Variants in ATP8A1 observed in about 807,000 individuals in gnomAD.
ATP8A1 encodes ATPase phospholipid transporting 8A1.
Under a neutral mutation model 177.7 loss-of-function variants are expected in ATP8A1, and 90 were observed. The observed-to-expected ratio is 0.51, with a 90% CI of 0.43 to 0.60. The LOEUF (loss-of-function observed/expected upper bound fraction) is 0.60. Ranked by LOEUF, ATP8A1 falls within the 20% of genes least tolerant of loss-of-function variation. The pLI is 0.00. For synonymous variants in ATP8A1, 493 were observed against 485.9 expected (o/e 1.01, Z -0.19); for missense variants, 1,072 against 1,392.8 (o/e 0.77, Z 3.67).
chr4:42,642,448 G>A (rs545824892), intron 1 of ATP8A1, among the ~76,000 whole-genome samples: 1 of 152,222 alleles, frequency 6.6e-6, no homozygotes, highest in East Asian at 1.9e-4. Context: ...AGGAATGGTC[G>A]GCATCCTTCA....
intron 33 of ATP8A1, among the ~76,000 whole-genome samples, chr4:42,429,533 T>C (rs7665008): frequency 0.56 from 85,569 of 151,964 alleles, 24,338 homozygotes; most frequent in Middle Eastern, 0.69. Flanking sequence ...AATATAAAAT[T>C]CCAGTCTTCC....
rs147739635 is a variant in ATP8A1, at chr4:42,455,717, C to T, written c.2620-118G>A. 1.9e-4 allele frequency: 164 copies of T among 856,376 alleles called. 1 individual carries two copies. The African/African-American group carries it at 2.6e-3, about 14-fold the overall frequency. The allele number at this position is 856,376 out of a possible 1,614,324, so 53.0% of individuals were successfully genotyped here. ...CAGCATTAACATATTATACTCATGA[C>T]TCTTTTGAAAATGACATTTCTTTGG... On this transcript the variant is annotated intron_variant, in intron 27 of 36. Coordinates refer to ENST00000381668, the MANE Select transcript of ATP8A1 (RefSeq NM_006095.2).
intron 27 of ATP8A1, among the ~76,000 whole-genome samples, chr4:42,460,405 T>G (rs1409341856): frequency 1.0e-5 from 1 of 99,106 alleles, no homozygotes; most frequent in Non-Finnish European, 2.1e-5. Flanking sequence ...TTTTTTTTTC[T>G]GAGATGGAGT....
At chr4:42,515,382 G>A (rs1003741047) in intron 22 of ATP8A1, among the ~76,000 whole-genome samples, 1 of 152,186 alleles carries the variant, frequency 6.6e-6, no homozygotes, top group African/African-American at 2.4e-5. Flanking sequence ...TGTGAACTTG[G>A]CAGTCATGAA....
intron 30 of ATP8A1, among the ~76,000 whole-genome samples, chr4:42,451,326 C>T (rs1239338801): frequency 1.3e-5 from 2 of 152,166 alleles, no homozygotes; most frequent in Non-Finnish European, 2.9e-5. Flanking sequence ...GAAGCAGGCA[C>T]GCTGAATGGT....
At chr4:42,507,226 GTA>G (rs1724462854) in intron 22 of ATP8A1, 72 bp from the exon 23 acceptor site, 1 of 1,459,660 alleles carries the variant, frequency 6.9e-7, no homozygotes, top group Non-Finnish European at 9.4e-7. Flanking sequence ...ATTGAAGTGT[GTA>G]TATGTTTTAA....
rs139070966 is a variant in ATP8A1, at chr4:42,636,897, T to C, written c.50-9788A>G. 6.6e-4 allele frequency among the ~76,000 whole-genome samples: 100 copies of C among 152,298 alleles called. 1 individual carries two copies. Among genetic ancestry groups the C allele is most frequent in the Admixed American group, 5.6e-3 (86 of 15,290 alleles). On this transcript the variant is annotated intron_variant, in intron 1 of 36. Transcript: ENST00000381668. ...CTGAACACAGACAGGAATGAATCTG[T>C]GGTATTAGTCAAGCTGCCTTAGATC...
At chr4:42,586,552 C>A in intron 8 of ATP8A1, 76 bp from the exon 9 acceptor site, 1 of 1,389,040 alleles carries the variant, frequency 7.2e-7, no homozygotes, top group South Asian at 1.3e-5. Context: ...ATTTTGAATT[C>A]ATCCAAGTCT....
intron 5 of ATP8A1, among the ~76,000 whole-genome samples, chr4:42,608,176 TGGAG>T (rs1028321519): frequency 2.0e-5 from 3 of 152,130 alleles, no homozygotes; most frequent in African/African-American, 7.2e-5. Context: ...TCAAAGGCCC[TGGAG>T]GAAGTGGCCA....
intron 6 of ATP8A1, among the ~76,000 whole-genome samples, chr4:42,592,021 A>G (rs991393302): frequency 1.3e-5 from 2 of 152,148 alleles, no homozygotes; most frequent in Non-Finnish European, 2.9e-5. Context: ...AAATGATTAA[A>G]CAACTACTAC....
rs1712749489 is a variant in ATP8A1, at chr4:42,412,681, C to T, written c.*235G>A. ...CAAGATACCAGGTCATTTTCAATTT[C>T]CGTTTACAAAGACTTAGCAAATACC... On this transcript the variant is annotated 3_prime_UTR_variant, in exon 37 of 37. Transcript: ENST00000381668. 2.6e-6 allele frequency: 1 copy of T among 380,828 alleles called. No homozygotes were observed. The highest frequency in any genetic ancestry group is 4.7e-6 in the Non-Finnish European group (1 of 212,120). The allele number at this position is 380,828 out of a possible 1,614,324, so 23.6% of individuals were successfully genotyped here.
intron 4 of ATP8A1, 149 bp downstream of exon 4, chr4:42,624,387 G>T: frequency 2.3e-6 from 1 of 427,114 alleles, no homozygotes; most frequent in Non-Finnish European, 4.2e-6. Context: ...ATCAACTTCA[G>T]GGATAGGAAC....
chr4:42,572,177 G>A (rs1046735362), intron 14 of ATP8A1, among the ~76,000 whole-genome samples: 5 of 152,154 alleles, frequency 3.3e-5, no homozygotes, highest in Admixed American at 1.3e-4. Context: ...CTCCCTAGGG[G>A]CATAAACACC....
intron 1 of ATP8A1, among the ~76,000 whole-genome samples, chr4:42,650,029 T>C (rs564203441): frequency 4.6e-5 from 7 of 152,310 alleles, no homozygotes; most frequent in Admixed American, 2.0e-4. Flanking sequence ...GGCCTTCATG[T>C]CATTGACATT....
intron 16 of ATP8A1, among the ~76,000 whole-genome samples, chr4:42,555,122 T>TAACTA (rs552100295): frequency 5.3e-5 from 5 of 93,686 alleles, no homozygotes; most frequent in Admixed American, 1.1e-4. Flanking sequence ...TCTATCTATC[T>TAACTA]ATCTATCTAT....
At position 42,514,780 on chromosome 4, in the gene ATP8A1, T is replaced by C. The variant is rs544584060; in HGVS notation, c.1947+7380A>G. 3.3e-4 allele frequency among the ~76,000 whole-genome samples: 51 copies of C among 152,306 alleles called. 1 individual carries two copies. The South Asian group carries it at 0.011, about 32-fold the overall frequency. ...TTTGCATCCCTGCTCTGCCAACCAC[T>C]GGATATGGGTCCCTGAGCAAGTAAC... is the stretch of plus-strand genomic sequence containing the variant. On this transcript the variant is annotated intron_variant, in intron 22 of 36. Coordinates refer to ENST00000381668, the MANE Select transcript of ATP8A1 (RefSeq NM_006095.2).
intron 25 of ATP8A1, among the ~76,000 whole-genome samples, chr4:42,467,226 T>C (rs1459294638): frequency 6.6e-6 from 1 of 152,182 alleles, no homozygotes; most frequent in Non-Finnish European, 1.5e-5. Context: ...CAAATTAAAA[T>C]TGGCTGAGGA....
At chr4:42,543,893 T>C in intron 20 of ATP8A1, 24 bp downstream of exon 20, 1 of 1,549,020 alleles carries the variant, frequency 6.5e-7, no homozygotes, top group Non-Finnish European at 8.8e-7. Context: ...ATTATAACTG[T>C]AAAAAATAAA....
intron 33 of ATP8A1, among the ~76,000 whole-genome samples, chr4:42,424,009 T>G (rs570503915): frequency 6.6e-6 from 1 of 152,138 alleles, no homozygotes; most frequent in Admixed American, 6.5e-5. Context: ...ATATTAAAAA[T>G]TATCCAGATA....
Sources: allele counts gnomAD v4.1 joint callset (sites outside exome capture counted in the v4.1 genomes callset), GRCh38; gene constraint gnomAD v4.1.1; transcripts MANE v1.5; gene names NCBI Gene and HGNC (gene_info 2026-07-23, HGNC 2026-07-21).